The following MARCHF7 variants were observed in gnomAD, a reference collection of about 807,000 sequenced individuals.
The protein encoded by MARCHF7 is membrane associated ring-CH-type finger 7, also known as E3 ubiquitin-protein ligase MARCHF7.
A neutral mutation model predicts 76.5 loss-of-function variants in MARCHF7; 20 were observed. That is an observed-to-expected ratio of 0.26 (90% CI 0.18 to 0.38). The LOEUF (loss-of-function observed/expected upper bound fraction) is 0.38, where lower values mean the gene tolerates loss of function less well. MARCHF7 is among the 10% of genes least tolerant of loss of function. The probability of loss-of-function intolerance (pLI) is 1.00; values close to 1 mark genes in which losing one functional copy is unlikely to be tolerated. For missense variants in MARCHF7, 797 were observed against 812.9 expected (o/e 0.98, Z 0.24); for synonymous variants, 295 against 293.0 (o/e 1.01, Z -0.07).
At chr2:159,717,313 T>G (rs573434183) in intron 3 of MARCHF7, among the ~76,000 whole-genome samples, 93 of 152,278 alleles carry the variant, frequency 6.1e-4, no homozygotes, top group African/African-American at 2.2e-3. Context: ...GTAGCCATAT[T>G]TTGTAATTTA....
Position 159,745,839 on chromosome 2 carries a change from T to G in MARCHF7, c.416T>G (p.Leu139Ter). The change falls in exon 6 of 12, where the codon TTA becomes TGA. Residue 139 changes from leucine (L) to a stop codon, truncating the protein, a stop_gained. Coordinates refer to ENST00000409175, the MANE Select transcript of MARCHF7 (RefSeq NM_001282805.2). LOFTEE classifies it high-confidence loss of function. ...GTACTTGGATCATTTGGAACAGACT[T>G]AATGAGAGAGAGGAGAGATTTGGAG... The part of the protein sequence containing the change: ...SMVLGSFGTD[L>*]MRERRDLERR... 6.2e-7 allele frequency: 1 copy of G among 1,612,858 alleles called. No individual in the cohort carries two copies. Among genetic ancestry groups the G allele is most frequent in the Non-Finnish European group, 8.5e-7 (1 of 1,179,076 alleles).
At chr2:159,744,177 C>T (rs1173175234) in intron 5 of MARCHF7, among the ~76,000 whole-genome samples, 3 of 151,222 alleles carry the variant, frequency 2.0e-5, no homozygotes, top group African/African-American at 7.3e-5. Flanking sequence ...TTAGTAGAGA[C>T]GGGGTTTCAC....
intron 4 of MARCHF7, among the ~76,000 whole-genome samples, chr2:159,730,813 G>C (rs1414936301): frequency 1.3e-5 from 2 of 152,152 alleles, no homozygotes; most frequent in African/African-American, 2.4e-5. Flanking sequence ...AAACCAGACT[G>C]TACTGCCTAG....
At chr2:159,761,402 ATTTCTTTTTT>A (rs1707060842) in intron 9 of MARCHF7, among the ~76,000 whole-genome samples, 4 of 68,448 alleles carry the variant, frequency 5.8e-5, no homozygotes, top group African/African-American at 2.1e-4. Context: ...TAAGTGAATC[ATTTCTTTTTT>A]TTTTTTTTTT....
In MARCHF7 at chr2:159,752,591, G is replaced by GT; in HGVS notation, c.1783+24dup. On this transcript the variant is annotated intron_variant, in intron 8 of 11. Coordinates refer to ENST00000409175, the MANE Select transcript of MARCHF7 (RefSeq NM_001282805.2). ...ACTCTGGTAAGATTTACCCTTTTGT[G>GT]TTTTCACAATTTTTCTAAGAGATGC... The GT allele has an allele frequency of 7.6e-6, 11 of 1,440,546 alleles. No homozygotes were observed. Among genetic ancestry groups the GT allele is most frequent in the Non-Finnish European group, 1.0e-5 (11 of 1,089,434 alleles). 89.2% of individuals were successfully genotyped at this position (1,440,546 alleles called of 1,614,324 possible).
chr2:159,750,001 T>C (rs1367528417), intron 7 of MARCHF7, among the ~76,000 whole-genome samples: 1 of 152,234 alleles, frequency 6.6e-6, no homozygotes, highest in African/African-American at 2.4e-5. Flanking sequence ...TTTACTTTGA[T>C]TCACAAGATA....
chr2:159,741,448 C>G (rs1000851848), intron 4 of MARCHF7, among the ~76,000 whole-genome samples: 3 of 133,972 alleles, frequency 2.2e-5, no homozygotes, highest in African/African-American at 8.3e-5. Flanking sequence ...ACCCCGTGAA[C>G]TTCAGTTACC....
intron 3 of MARCHF7, among the ~76,000 whole-genome samples, chr2:159,726,603 G>A (rs1241980914): frequency 1.3e-5 from 2 of 152,130 alleles, no homozygotes; most frequent in Non-Finnish European, 2.9e-5. Context: ...CCAGCCACAT[G>A]CACCATTACC....
intron 3 of MARCHF7, among the ~76,000 whole-genome samples, chr2:159,720,538 T>G (rs1701520289): frequency 6.6e-6 from 1 of 152,244 alleles, no homozygotes; most frequent in Non-Finnish European, 1.5e-5. Context: ...ATGCTTGATT[T>G]GATGTTTTTG....
At chr2:159,722,966 T>G (rs1701792597) in intron 3 of MARCHF7, among the ~76,000 whole-genome samples, 1 of 152,236 alleles carries the variant, frequency 6.6e-6, no homozygotes, top group Non-Finnish European at 1.5e-5. Flanking sequence ...CAGAGTAAAC[T>G]ATAAGAGGTA....
intron 1 of MARCHF7, among the ~76,000 whole-genome samples, chr2:159,714,138 A>T (rs1700726322): frequency 6.6e-6 from 1 of 152,228 alleles, no homozygotes; most frequent in African/African-American, 2.4e-5. Flanking sequence ...AGTCCGCTCC[A>T]TACCCACCTT....
rs942681503 is a variant in MARCHF7 at position 159,742,998 on chromosome 2, G to A, written c.154-63G>A. 5.1e-6 allele frequency: 7 copies of A among 1,378,328 alleles called. No individual in the cohort carries two copies. In the Admixed American group the frequency reaches 8.6e-5, roughly 17 times the overall value. The allele number at this position is 1,378,328 out of a possible 1,614,324, so 85.4% of individuals were successfully genotyped here. On this transcript the variant is annotated intron_variant, in intron 4 of 11. Coordinates refer to ENST00000409175, the MANE Select transcript of MARCHF7 (RefSeq NM_001282805.2). ...GCTTGTGGGAATTTATTAGAGGACT[G>A]TGGGTTAAATTTAGTACTGAATGCA...
At position 159,712,523 on chromosome 2, in the gene MARCHF7, G is replaced by T. The variant is rs1302206306; in HGVS notation, c.-226G>T. 6.5e-6 allele frequency: 1 copy of T among 152,822 alleles called. No individual in the cohort carries two copies. Among genetic ancestry groups the T allele is most frequent in the African/African-American group, 2.4e-5 (1 of 41,456 alleles). The allele number at this position is 152,822 out of a possible 1,614,324, so 9.5% of individuals were successfully genotyped here. On this transcript the variant is annotated 5_prime_UTR_variant, in exon 1 of 12. Transcript: ENST00000409175. ...TGGTGGCTGGTTCTGCGCCGGATCC[G>T]GGAGAGGGGCGGGCGCCATTGTGCT...
intron 4 of MARCHF7, among the ~76,000 whole-genome samples, chr2:159,738,462 A>G (rs991730547): frequency 1.3e-5 from 2 of 152,238 alleles, no homozygotes; most frequent in Admixed American, 6.5e-5. Flanking sequence ...TCCAGAGAGA[A>G]TGAGGTACAC....
chr2:159,763,438 A>G (rs1707348465), intron 10 of MARCHF7, among the ~76,000 whole-genome samples: 1 of 152,232 alleles, frequency 6.6e-6, no homozygotes, highest in African/African-American at 2.4e-5. Flanking sequence ...TCCATATTAC[A>G]AAGTATTTTA....
intron 3 of MARCHF7, among the ~76,000 whole-genome samples, chr2:159,722,671 T>TC (rs1701763729): frequency 6.6e-6 from 1 of 152,206 alleles, no homozygotes; most frequent in Non-Finnish European, 1.5e-5. Context: ...TCTAAGTGAT[T>TC]CGATAGAAGT....
At chr2:159,744,941 T>C (rs1704664462) in intron 5 of MARCHF7, among the ~76,000 whole-genome samples, 1 of 152,198 alleles carries the variant, frequency 6.6e-6, no homozygotes, top group Admixed American at 6.5e-5. Flanking sequence ...TTACGATAAC[T>C]GTAACAATAC....
At chr2:159,757,415 C>T (rs1706463805) in intron 8 of MARCHF7, among the ~76,000 whole-genome samples, 1 of 152,114 alleles carries the variant, frequency 6.6e-6, no homozygotes, top group Non-Finnish European at 1.5e-5. Flanking sequence ...ACAGGATATA[C>T]AAAGATGAAT....
intron 1 of MARCHF7, among the ~76,000 whole-genome samples, chr2:159,712,963 C>T (rs1479895879): frequency 6.6e-6 from 1 of 152,066 alleles, no homozygotes; most frequent in Non-Finnish European, 1.5e-5. Flanking sequence ...TGGCGCGGGG[C>T]GGCCTCCTCT....
Sources: gnomAD v4.1 joint callset for allele counts (sites outside exome capture counted in the v4.1 genomes callset) on GRCh38, gnomAD v4.1.1 for gene constraint, MANE v1.5 for transcripts, NCBI Gene and HGNC (gene_info 2026-07-23, HGNC 2026-07-21) for gene names.